The following LSAMP variants were observed in gnomAD, a reference collection of about 807,000 sequenced individuals.
LSAMP encodes limbic system-associated membrane protein.
Under a neutral mutation model 38.6 loss-of-function variants are expected in LSAMP, and 7 were observed. The observed-to-expected ratio is 0.18, with a 90% confidence interval of 0.10 to 0.34. The LOEUF (loss-of-function observed/expected upper bound fraction) is 0.34. Ranked by LOEUF, LSAMP falls within the 10% of genes least tolerant of loss-of-function variation. The pLI, the probability that LSAMP is intolerant of heterozygous loss-of-function variation, is 1.00. For synonymous variants in LSAMP, 154 were observed against 166.8 expected (o/e 0.92, Z 0.59); for missense variants, 313 against 420.0 (o/e 0.75, Z 2.23).
chr3:116,064,597 T>C (rs756391219), intron 2 of LSAMP, among the ~76,000 whole-genome samples: 1 of 151,644 alleles, frequency 6.6e-6, no homozygotes, highest in Non-Finnish European at 1.5e-5. Context: ...GTGACTAACA[T>C]GTTTTTAAAG....
intron 3 of LSAMP, among the ~76,000 whole-genome samples, chr3:115,971,499 C>T (rs1173579175): frequency 6.6e-6 from 1 of 152,160 alleles, no homozygotes; most frequent in African/African-American, 2.4e-5. Flanking sequence ...TTCTAGTGCA[C>T]TGACTGACCT....
At chr3:116,005,639 C>T (rs908436258) in intron 3 of LSAMP, among the ~76,000 whole-genome samples, 1 of 152,188 alleles carries the variant, frequency 6.6e-6, no homozygotes, top group African/African-American at 2.4e-5. Context: ...AGTGCTTAAT[C>T]GTTCCTGGGG....
chr3:115,907,270 TG>T (rs1424441753), intron 3 of LSAMP, among the ~76,000 whole-genome samples: 2 of 152,146 alleles, frequency 1.3e-5, no homozygotes, highest in African/African-American at 4.8e-5. Flanking sequence ...ATTTATATGT[TG>T]CAACCTAATC....
At chr3:116,040,192 A>G (rs748672013) in intron 2 of LSAMP, among the ~76,000 whole-genome samples, 9 of 152,206 alleles carry the variant, frequency 5.9e-5, no homozygotes, top group Non-Finnish European at 7.4e-5. Context: ...GCAAAACACT[A>G]TGATTCTGAC....
intron 2 of LSAMP, among the ~76,000 whole-genome samples, chr3:116,073,791 A>C (rs1405091920): frequency 6.6e-6 from 1 of 152,248 alleles, no homozygotes; most frequent in Non-Finnish European, 1.5e-5. Flanking sequence ...AATGTTTCAT[A>C]AAACATGATA....
chr3:116,400,371 CT>C (rs955836107), intron 1 of LSAMP, among the ~76,000 whole-genome samples: 1 of 151,778 alleles, frequency 6.6e-6, no homozygotes, highest in African/African-American at 2.4e-5. Context: ...TTCTTCCTTC[CT>C]TTTTTTTCTC....
intron 1 of LSAMP, among the ~76,000 whole-genome samples, chr3:116,123,678 G>A (rs571666507): frequency 4.9e-4 from 74 of 152,254 alleles, no homozygotes; most frequent in Non-Finnish European, 9.0e-4. Context: ...TGCTAGGTTT[G>A]ATATCCTAAA....
chr3:115,826,659 C>A (rs1934422024), intron 6 of LSAMP, among the ~76,000 whole-genome samples: 1 of 152,156 alleles, frequency 6.6e-6, no homozygotes, highest in Admixed American at 6.6e-5. Context: ...TAAGATATTT[C>A]TTTGAGTAAA....
At chr3:116,314,156 C>T (rs79211087) in intron 1 of LSAMP, among the ~76,000 whole-genome samples, 2,768 of 152,284 alleles carry the variant, frequency 0.018, 86 homozygotes, top group African/African-American at 0.063. Context: ...GATTCAGTGT[C>T]CTAGTTCCTA....
intron 1 of LSAMP, among the ~76,000 whole-genome samples, chr3:116,221,150 C>CAAAAAAAAA (rs71141862): frequency 0.11 from 5,621 of 52,590 alleles, 1,291 homozygotes; most frequent in African/African-American, 0.15. Context: ...GACTCTGTCT[C>CAAAAAAAAA]AAAAAAAAAA....
chr3:116,294,198 T>C (rs2047301388), intron 1 of LSAMP, among the ~76,000 whole-genome samples: 1 of 152,284 alleles, frequency 6.6e-6, no homozygotes, highest in Non-Finnish European at 1.5e-5. Flanking sequence ...CATTGAACAC[T>C]GGCACCAATC....
chr3:115,907,903 G>T (rs1052797761), intron 3 of LSAMP, among the ~76,000 whole-genome samples: 3 of 152,032 alleles, frequency 2.0e-5, no homozygotes, highest in Non-Finnish European at 4.4e-5. Context: ...AGATCAACAT[G>T]CCACTTACTG....
intron 1 of LSAMP, among the ~76,000 whole-genome samples, chr3:116,095,294 C>A (rs529817412): frequency 6.6e-6 from 1 of 152,182 alleles, no homozygotes; most frequent in African/African-American, 2.4e-5. Context: ...AGACAAGCTG[C>A]GCAATTTCTG....
intron 3 of LSAMP, among the ~76,000 whole-genome samples, chr3:115,869,417 T>C (rs1935962098): frequency 6.6e-6 from 1 of 152,074 alleles, no homozygotes; most frequent in Admixed American, 6.6e-5. Flanking sequence ...ATAATTTAAC[T>C]TGACAACTGT....
chr3:116,256,571 T>C (rs930452088), intron 1 of LSAMP, among the ~76,000 whole-genome samples: 2 of 152,216 alleles, frequency 1.3e-5, no homozygotes, highest in Non-Finnish European at 2.9e-5. Flanking sequence ...TCTGTAATTA[T>C]ATACAACATA....
intron 3 of LSAMP, among the ~76,000 whole-genome samples, chr3:115,865,192 TC>T (rs1935822565): frequency 6.6e-6 from 1 of 152,206 alleles, no homozygotes; most frequent in Non-Finnish European, 1.5e-5. Flanking sequence ...TGTCCAAGAA[TC>T]ACATATTTAG....
intron 1 of LSAMP, among the ~76,000 whole-genome samples, chr3:116,311,320 A>G (rs1219774690): frequency 3.3e-5 from 5 of 152,170 alleles, no homozygotes; most frequent in Non-Finnish European, 5.9e-5. Context: ...TGGACATTGA[A>G]ATTAGTAGAG....
chr3:115,981,183 C>T (rs756127208), intron 3 of LSAMP, among the ~76,000 whole-genome samples: 2 of 152,182 alleles, frequency 1.3e-5, no homozygotes, highest in East Asian at 1.9e-4. Context: ...GTAAGTTCAG[C>T]GATCAATCAG....
At chr3:116,359,919 C>T (rs1195421981) in intron 1 of LSAMP, 1 of 152,162 alleles carries the variant, frequency 6.6e-6, no homozygotes, top group Admixed American at 6.5e-5. Flanking sequence ...TAGGCACAGG[C>T]AAATGTTTCG....
Sources: allele counts gnomAD v4.1 joint callset (sites outside exome capture counted in the v4.1 genomes callset), GRCh38; gene constraint gnomAD v4.1.1; transcripts MANE v1.5; gene names NCBI Gene and HGNC (gene_info 2026-07-23, HGNC 2026-07-21).